MSH3: variants seen among roughly 807,000 people sequenced by gnomAD.
MSH3 encodes the protein mutS homolog 3, also known as DNA mismatch repair protein Msh3.
MSH3 carries 106 observed loss-of-function variants against 123.3 expected under a neutral mutation model. That is an observed-to-expected ratio of 0.86 (90% CI 0.73 to 1.01). The LOEUF is 1.01. Ranked by LOEUF, MSH3 falls within the 50% of genes least tolerant of loss-of-function variation. The pLI is 0.00. For synonymous variants in MSH3, 515 were observed against 481.4 expected, an observed-to-expected ratio of 1.07 and a Z score of -0.91; for missense variants, 1,459 against 1,347.6, an observed-to-expected ratio of 1.08 and a Z score of -1.29.
chr5:80,792,435 G>GA (rs527354423), intron 18 of MSH3, among the ~76,000 whole-genome samples: 4 of 149,840 alleles, frequency 2.7e-5, no homozygotes, highest in Admixed American at 6.7e-5. Context: ...AGAAAGAAAA[G>GA]AAAAAAAAGA....
rs2405876 is a variant in MSH3 at position 80,654,914 on chromosome 5, C to A, written c.187C>A (p.Pro63Thr). Residue 63 changes from proline to threonine, a missense_variant, in exon 1 of 24, where the codon CCC (proline) becomes ACC (threonine). By Grantham distance (38) the Pro-to-Thr change is conservative. Coordinates refer to ENST00000265081, the MANE Select transcript of MSH3 (RefSeq NM_002439.5). ...TGCAGCGGCCGCAGCGGCCGCAGCG[C>A]CCCCAGCGCCCCCAGCTCCCGCCTT... is the stretch of plus-strand genomic sequence containing the variant. The part of the protein sequence containing the change: ...AAAAAAAAAA[P>T]PAPPAPAFPP... 2 of 1,477,694 alleles carry A rather than the reference C, an allele frequency of 1.4e-6. No individual in the cohort carries two copies. The highest frequency in any genetic ancestry group is 1.2e-5 in the South Asian group (1 of 82,320). The allele number at this position is 1,477,694 out of a possible 1,614,324, so 91.5% of individuals were successfully genotyped here.
chr5:80,847,052 G>A (rs527614156), intron 20 of MSH3, among the ~76,000 whole-genome samples: 6 of 151,812 alleles, frequency 4.0e-5, no homozygotes, highest in African/African-American at 1.4e-4. Context: ...TCTTGGAAGC[G>A]ACCCTTAATT....
intron 23 of MSH3, 70 bp from the exon 24 acceptor site, chr5:80,875,681 G>T: frequency 1.1e-6 from 1 of 895,656 alleles, no homozygotes. Flanking sequence ...ACTTTTCATA[G>T]CTTCTGATGA....
chr5:80,673,528 TCAAACAAA>T (rs572663390), intron 6 of MSH3, among the ~76,000 whole-genome samples: 30 of 152,022 alleles, frequency 2.0e-4, no homozygotes, highest in South Asian at 4.1e-4. Context: ...AGACCCTGTC[TCAAACAAA>T]CAAACAAACA....
chr5:80,812,910 GC>G (rs1455174502), intron 19 of MSH3, among the ~76,000 whole-genome samples: 1 of 152,150 alleles, frequency 6.6e-6, no homozygotes, highest in Non-Finnish European at 1.5e-5. Flanking sequence ...GATTCACATA[GC>G]CCAGAGCATG....
At position 80,789,790 on chromosome 5, in the gene MSH3, G is replaced by A. The variant is rs1171487727; in HGVS notation, c.2543+2118G>A. 1.9e-4 allele frequency among the ~76,000 whole-genome samples: 29 copies of A among 152,116 alleles called. 1 individual carries two copies. Among genetic ancestry groups the A allele is most frequent in the Admixed American group, 6.5e-5 (1 of 15,276 alleles). Reference sequence around the variant, plus strand: ...TGTTATGAGTAAGTTCAGAAATGTGGTTACACATGAAAGTTCTGAGTCAAA... The same window carrying A: ...TGTTATGAGTAAGTTCAGAAATGTGATTACACATGAAAGTTCTGAGTCAAA... On this transcript the variant is annotated intron_variant, in intron 18 of 23. Transcript: ENST00000265081.
chr5:80,656,426 A>G lies in MSH3; in HGVS notation c.253A>G (p.Arg85Gly). 6.2e-7 allele frequency: 1 copy of G among 1,614,198 alleles called. No homozygotes were observed. Among genetic ancestry groups the G allele is most frequent in the Non-Finnish European group, 8.5e-7 (1 of 1,180,020 alleles). Reference protein sequence around the residue: ...LPPHIATEIDRRKKRPLENDG... With the variant: ...LPPHIATEIDGRKKRPLENDG... The stretch of plus-strand genomic sequence containing the variant: ...CCCGATATAGGCTACAGAAATTGAC[A>G]GAAGAAAGAAGAGACCATTGGAAAA... The change falls in exon 2 of 24, where the codon AGA becomes GGA. Residue 85 changes from arginine (R) to glycine (G), a missense_variant. Coordinates refer to ENST00000265081, the MANE Select transcript of MSH3 (RefSeq NM_002439.5).
intron 12 of MSH3, among the ~76,000 whole-genome samples, chr5:80,753,562 T>C (rs1274083431): frequency 6.6e-6 from 1 of 152,194 alleles, no homozygotes; most frequent in African/African-American, 2.4e-5. Context: ...ACGTTCTGAT[T>C]GACTAAGTAA....
intron 8 of MSH3, among the ~76,000 whole-genome samples, chr5:80,691,467 G>A (rs748226317): frequency 1.3e-5 from 2 of 150,378 alleles, no homozygotes; most frequent in African/African-American, 4.9e-5. Context: ...GATGCAACAC[G>A]TTCATGAATG....
At chr5:80,871,318 C>T (rs990945454) in intron 22 of MSH3, among the ~76,000 whole-genome samples, 1 of 152,088 alleles carries the variant, frequency 6.6e-6, no homozygotes, top group Non-Finnish European at 1.5e-5. Context: ...ACAGATTACC[C>T]CCCAAAACAT....
rs1458274596 is a variant in MSH3, at chr5:80,654,712, C to G, written c.-16C>G. 6.3e-7 allele frequency: 1 copy of G among 1,586,084 alleles called. No individual in the cohort carries two copies. The highest frequency in any genetic ancestry group is 8.6e-7 in the Non-Finnish European group (1 of 1,169,252). On this transcript the variant is annotated 5_prime_UTR_variant, in exon 1 of 24. Coordinates refer to ENST00000265081, the MANE Select transcript of MSH3 (RefSeq NM_002439.5). The stretch of plus-strand genomic sequence containing the variant: ...CTCGCCAGGCCCTGCCGCCGGGCTG[C>G]CATCCTTGCCCTGCCATGTCTCGCC...
chr5:80,655,014 G>A (rs1749228558), intron 1 of MSH3, 50 bp downstream of exon 1: 4 of 1,163,280 alleles, frequency 3.4e-6, no homozygotes, highest in Admixed American at 6.9e-5. Context: ...GGGGGGCGGG[G>A]CTTGTGGGTA....
intron 17 of MSH3, among the ~76,000 whole-genome samples, chr5:80,786,020 A>G (rs1228044136): frequency 6.6e-6 from 1 of 151,930 alleles, no homozygotes; most frequent in Non-Finnish European, 1.5e-5. Context: ...GAGGGATAAC[A>G]TTGGGAGATA....
At chr5:80,810,945 C>G (rs1211827377) in intron 19 of MSH3, among the ~76,000 whole-genome samples, 1 of 151,914 alleles carries the variant, frequency 6.6e-6, no homozygotes, top group South Asian at 2.1e-4. Flanking sequence ...CTCCAATGAG[C>G]ATTTCTTTTG....
chr5:80,683,128 G>T (rs964534019), intron 8 of MSH3, among the ~76,000 whole-genome samples: 2 of 152,124 alleles, frequency 1.3e-5, no homozygotes, highest in Admixed American at 6.6e-5. Flanking sequence ...CTGGGTGCTC[G>T]CAAATCTTAG....
chr5:80,698,432 T>A (rs566336076), intron 8 of MSH3, among the ~76,000 whole-genome samples: 4 of 152,304 alleles, frequency 2.6e-5, no homozygotes, highest in African/African-American at 9.6e-5. Context: ...ATAATTGTAA[T>A]GAAAGCGCTG....
At chr5:80,756,124 T>C (rs1743921696) in intron 12 of MSH3, among the ~76,000 whole-genome samples, 1 of 152,104 alleles carries the variant, frequency 6.6e-6, no homozygotes, top group South Asian at 2.1e-4. Flanking sequence ...GACAATTCTT[T>C]AAGACTGAAT....
At chr5:80,862,983 A>T (rs1384295437) in intron 21 of MSH3, among the ~76,000 whole-genome samples, 1 of 152,224 alleles carries the variant, frequency 6.6e-6, no homozygotes, top group Non-Finnish European at 1.5e-5. Context: ...GTTGGAGAAA[A>T]GGATATTCAT....
At chr5:80,828,159 G>A (rs751220461) in intron 20 of MSH3, among the ~76,000 whole-genome samples, 13 of 152,292 alleles carry the variant, frequency 8.5e-5, no homozygotes, top group Non-Finnish European at 1.6e-4. Flanking sequence ...GGAAGTCCGA[G>A]GTCAAGGGGC....
Sources: allele counts gnomAD v4.1 joint callset (sites outside exome capture counted in the v4.1 genomes callset), GRCh38; gene constraint gnomAD v4.1.1; transcripts MANE v1.5; gene names NCBI Gene and HGNC (gene_info 2026-07-23, HGNC 2026-07-21).